The following DLGAP2 variants were observed in gnomAD, a reference collection of about 807,000 sequenced individuals.
DLGAP2 encodes the protein disks large-associated protein 2.
In DLGAP2, 26 loss-of-function variants were observed where a neutral mutation model predicts 100.3. That is an observed-to-expected ratio of 0.26 (90% CI 0.19 to 0.36). The LOEUF (loss-of-function observed/expected upper bound fraction) is 0.36, where lower values mean the gene tolerates loss of function less well. DLGAP2 is among the 10% of genes least tolerant of loss of function. The pLI, the probability that DLGAP2 is intolerant of heterozygous loss-of-function variation, is 1.00. For missense variants in DLGAP2, 1,858 were observed against 1,453.2 expected, an observed-to-expected ratio of 1.28 and a Z score of -4.53; for synonymous variants, 886 against 630.1, an observed-to-expected ratio of 1.41 and a Z score of -6.08.
At chr8:775,287 G>A (rs1456111105) in intron 1 of DLGAP2, among the ~76,000 whole-genome samples, 3 of 152,088 alleles carry the variant, frequency 2.0e-5, no homozygotes, top group South Asian at 2.1e-4. Context: ...CAATGATGTC[G>A]TCTGCAAAGA....
chr8:1,306,622 C>T (rs1374531103), intron 3 of DLGAP2, among the ~76,000 whole-genome samples: 1 of 151,942 alleles, frequency 6.6e-6, no homozygotes, highest in African/African-American at 2.4e-5. Context: ...TGGAGTCTCA[C>T]ACTTCCTGAT....
intron 8 of DLGAP2, among the ~76,000 whole-genome samples, chr8:1,649,027 G>A (rs1246626013): frequency 6.6e-6 from 1 of 152,182 alleles, no homozygotes; most frequent in Non-Finnish European, 1.5e-5. Flanking sequence ...CATGTCTGGG[G>A]AGAGGTCCGG....
At chr8:1,288,679 G>C (rs991245631) in intron 3 of DLGAP2, among the ~76,000 whole-genome samples, 5 of 85,742 alleles carry the variant, frequency 5.8e-5, no homozygotes, top group Admixed American at 5.7e-4. Context: ...TTTCGGTTCA[G>C]TGTGTGTGTG....
At chr8:1,227,649 T>C (rs1798450182) in intron 2 of DLGAP2, among the ~76,000 whole-genome samples, 1 of 152,096 alleles carries the variant, frequency 6.6e-6, no homozygotes. Context: ...GAGGCCGTTA[T>C]GCTAAATGAA....
intron 3 of DLGAP2, among the ~76,000 whole-genome samples, chr8:1,286,799 C>T (rs1429430069): frequency 2.6e-5 from 4 of 152,248 alleles, no homozygotes; most frequent in Non-Finnish European, 5.9e-5. Flanking sequence ...CTGGATTCAA[C>T]TCAACTCCTG....
intron 1 of DLGAP2, among the ~76,000 whole-genome samples, chr8:783,213 G>A (rs900181311): frequency 6.6e-6 from 1 of 152,186 alleles, no homozygotes; most frequent in African/African-American, 2.4e-5. Flanking sequence ...TGCTTAGGAG[G>A]AATGTAAGAA....
rs1253639306 is a variant in DLGAP2 at position 1,026,674 on chromosome 8, T to G, written c.73+118708T>G. On this transcript the variant is annotated intron_variant, in intron 2 of 14. Transcript: ENST00000637795. Reference sequence around the variant, plus strand: ...TACTCTGTAGACATTGATTTTGTCATTTTGAATTGAAAATATTGAAAACTG... The same window carrying G: ...TACTCTGTAGACATTGATTTTGTCAGTTTGAATTGAAAATATTGAAAACTG... Among the ~76,000 whole-genome samples, 4 of 152,342 alleles carry G rather than the reference T, an allele frequency of 2.6e-5. No homozygotes were observed. In the East Asian group the frequency reaches 7.7e-4, roughly 29 times the overall value.
intron 2 of DLGAP2, among the ~76,000 whole-genome samples, chr8:1,009,073 G>A (rs1801204365): frequency 6.6e-6 from 1 of 152,214 alleles, no homozygotes. Flanking sequence ...ATGGGGGGCA[G>A]GCAGGAGTGT....
chr8:1,100,806 A>G (rs1804553536), intron 2 of DLGAP2, among the ~76,000 whole-genome samples: 1 of 152,244 alleles, frequency 6.6e-6, no homozygotes, highest in African/African-American at 2.4e-5. Context: ...TGTGTTCTGT[A>G]GAAATAGACT....
At chr8:1,418,129 A>G (rs1563134648) in intron 3 of DLGAP2, among the ~76,000 whole-genome samples, 1 of 152,216 alleles carries the variant, frequency 6.6e-6, no homozygotes, top group South Asian at 2.1e-4. Context: ...CTCCAGCCAT[A>G]CAGTGTGGCC....
chr8:1,701,649 C>T lies in DLGAP2; in HGVS notation c.*243C>T. 5.4e-6 allele frequency: 3 copies of T among 560,400 alleles called. No individual in the cohort carries two copies. Among genetic ancestry groups the T allele is most frequent in the Non-Finnish European group, 3.1e-6 (1 of 321,452 alleles). 34.7% of individuals were successfully genotyped at this position (560,400 alleles called of 1,614,324 possible). A position where few individuals can be genotyped will look rare whatever the true frequency, so the allele number is the denominator to read the frequency against. ...CACGGGTGGCCTGGCTCACACTTGG[C>T]TCTGAGGGACAGGTGTGGCGAGACC... On this transcript the variant is annotated 3_prime_UTR_variant, in exon 15 of 15. Transcript: ENST00000637795.
intron 3 of DLGAP2, among the ~76,000 whole-genome samples, chr8:1,308,321 A>T (rs1399818658): frequency 1.3e-5 from 2 of 152,200 alleles, no homozygotes; most frequent in African/African-American, 4.8e-5. Context: ...CACGGCAAAT[A>T]ATACAGTGTT....
At position 1,658,945 on chromosome 8, in the gene DLGAP2, TCTG is replaced by T. The variant is rs1798347536; in HGVS notation, c.1811-9381_1811-9379del. On this transcript the variant is annotated intron_variant, in intron 8 of 14. Transcript: ENST00000637795. ...GTTAGGGTGTCAATTTTAGATCTTT[TCTG>T]CTTTCTTCTGTGACAATTTTGTGCT... Among the ~76,000 whole-genome samples, 9 of 152,300 alleles carry T rather than the reference TCTG, an allele frequency of 5.9e-5. No individual in the cohort carries two copies. The South Asian group carries it at 1.9e-3, about 32-fold the overall frequency.
intron 2 of DLGAP2, among the ~76,000 whole-genome samples, chr8:1,054,630 G>A (rs1014492115): frequency 7.9e-5 from 12 of 152,248 alleles, no homozygotes; most frequent in Admixed American, 7.2e-4. Context: ...CTTGGGTTGT[G>A]TACCTAGGAA....
At chr8:1,004,040 A>T (rs1377017436) in intron 2 of DLGAP2, among the ~76,000 whole-genome samples, 2 of 152,162 alleles carry the variant, frequency 1.3e-5, no homozygotes, top group Non-Finnish European at 2.9e-5. Context: ...GCACAAAATA[A>T]TTGCCCGATA....
rs546697925 is a variant in DLGAP2, at chr8:1,613,895, A to T, written c.1443-12845A>T. Among the ~76,000 whole-genome samples the T allele has an allele frequency of 3.9e-5, 6 of 152,304 alleles. No homozygotes were observed. The South Asian group carries it at 1.2e-3, about 32-fold the overall frequency. Reference sequence around the variant, plus strand: ...GAATTTTTTAAAAATAAGCCTCAAAAATGTTGAATGCCAAAGGACTAAATT... The same window carrying T: ...GAATTTTTTAAAAATAAGCCTCAAATATGTTGAATGCCAAAGGACTAAATT... On this transcript the variant is annotated intron_variant, in intron 6 of 14. Transcript: ENST00000637795.
chr8:1,350,410 G>C lies in DLGAP2; in HGVS notation c.106+91527G>C, dbSNP rs568325144. On this transcript the variant is annotated intron_variant, in intron 3 of 14. Coordinates refer to ENST00000637795, the MANE Select transcript of DLGAP2 (RefSeq NM_001346810.2). ...TGGAAAGGCCGCGCGGGTCCTGACT[G>C]TGCGTGGAAAGGCCGCGCGGGTCCT... Among the ~76,000 whole-genome samples the C allele has an allele frequency of 1.9e-4, 16 of 84,008 alleles. 2 individuals are homozygous for C. The highest frequency in any genetic ancestry group is 7.0e-4 in the African/African-American group (16 of 22,966). 55.1% of individuals were successfully genotyped at this position (84,008 alleles called of 152,430 possible). A position where few individuals can be genotyped will look rare whatever the true frequency, so the allele number is the denominator to read the frequency against.
intron 4 of DLGAP2, among the ~76,000 whole-genome samples, chr8:1,527,030 C>T (rs919500440): frequency 6.6e-6 from 1 of 152,100 alleles, no homozygotes; most frequent in African/African-American, 2.4e-5. Flanking sequence ...ATTGCAGGCT[C>T]ACGTTCACAT....
chr8:1,186,748 C>T (rs1234546522), intron 2 of DLGAP2, among the ~76,000 whole-genome samples: 1 of 152,124 alleles, frequency 6.6e-6, no homozygotes, highest in Non-Finnish European at 1.5e-5. Flanking sequence ...ACGTCGTCGC[C>T]TCCCCTGGCT....
Sources: allele counts gnomAD v4.1 joint callset (sites outside exome capture counted in the v4.1 genomes callset), GRCh38; gene constraint gnomAD v4.1.1; transcripts MANE v1.5; gene names NCBI Gene and HGNC (gene_info 2026-07-23, HGNC 2026-07-21).